Variants in JAK1 observed in about 807,000 individuals in gnomAD.
The protein encoded by JAK1 is Janus kinase 1.
JAK1 carries 16 observed loss-of-function variants against 136.6 expected under a neutral mutation model. That is an observed-to-expected ratio of 0.12 (90% CI 0.08 to 0.18). The LOEUF (loss-of-function observed/expected upper bound fraction) is 0.18. Ranked by LOEUF, JAK1 falls within the 10% of genes least tolerant of loss-of-function variation. The probability of loss-of-function intolerance (pLI) is 1.00; values close to 1 mark genes in which losing one functional copy is unlikely to be tolerated. For missense variants in JAK1, 859 were observed against 1,450.1 expected, an observed-to-expected ratio of 0.59 and a Z score of 6.62; for synonymous variants, 492 against 519.5, an observed-to-expected ratio of 0.95 and a Z score of 0.72.
intron 1 of JAK1, among the ~76,000 whole-genome samples, chr1:64,898,202 C>T (rs552207511): frequency 3.4e-4 from 52 of 152,206 alleles, no homozygotes; most frequent in Non-Finnish European, 5.6e-4. Context: ...CTGGCTGGGA[C>T]ATCCACTAAT....
chr1:64,929,896 A>G (rs1451362639), intron 1 of JAK1, among the ~76,000 whole-genome samples: 3 of 152,226 alleles, frequency 2.0e-5, no homozygotes, highest in Non-Finnish European at 2.9e-5. Flanking sequence ...CAACCATCTG[A>G]TCTTTGACGA....
chr1:64,959,892 T>A, intron 1 of JAK1, among the ~76,000 whole-genome samples: 1 of 152,184 alleles, frequency 6.6e-6, no homozygotes, highest in East Asian at 1.9e-4. Context: ...GAATATAATT[T>A]GAGGGTTTTT....
intron 1 of JAK1, among the ~76,000 whole-genome samples, chr1:64,895,808 TC>T (rs1645005500): frequency 6.6e-6 from 1 of 152,236 alleles, no homozygotes; most frequent in Admixed American, 6.5e-5. Flanking sequence ...AAACCACTCT[TC>T]TTACACATGA....
chr1:65,054,821 T>C (rs1434136177), intron 1 of JAK1, among the ~76,000 whole-genome samples: 1 of 152,226 alleles, frequency 6.6e-6, no homozygotes, highest in East Asian at 1.9e-4. Flanking sequence ...AGCTATGCTA[T>C]GTTGGAAACC....
intron 11 of JAK1, among the ~76,000 whole-genome samples, chr1:64,852,402 G>A (rs1655659405): frequency 6.6e-6 from 1 of 152,194 alleles, no homozygotes; most frequent in African/African-American, 2.4e-5. Context: ...GGCTCAGGGA[G>A]AGGCTCCCCT....
chr1:65,022,827 A>G (rs1011473992), intron 2 of JAK1: 2 of 152,166 alleles, frequency 1.3e-5, no homozygotes. Context: ...TGTGTATATC[A>G]AAGGAGAAAC....
rs1569886958 is a variant in JAK1, at chr1:65,018,483, AG to A, written c.-78+25996del. 2.7e-3 allele frequency among the ~76,000 whole-genome samples: 361 copies of A among 135,316 alleles called. 3 individuals carry two copies. The highest frequency in any genetic ancestry group is 0.01 in the African/African-American group (329 of 32,300). 88.8% of individuals were successfully genotyped at this position (135,316 alleles called of 152,430 possible). ...CATACAGAGAGAGAGAGAGAGAGAG[AG>A]AGAACACACACACACACACACACAC... On this transcript the variant is annotated intron_variant, in intron 2 of 25. Coordinates refer to the JAK1 transcript ENST00000671954.
At chr1:64,849,759 A>T (rs1231561745) in intron 12 of JAK1, among the ~76,000 whole-genome samples, 1 of 152,242 alleles carries the variant, frequency 6.6e-6, no homozygotes, top group Non-Finnish European at 1.5e-5. Context: ...GGCAAGGGAA[A>T]AGAGGCAGGC....
At position 64,879,068 on chromosome 1, in the gene JAK1, T is replaced by C. The variant is rs769890595; in HGVS notation, c.286A>G (p.Thr96Ala). 6.2e-7 allele frequency: 1 copy of C among 1,613,914 alleles called. No homozygotes were observed. The highest frequency in any genetic ancestry group is 1.1e-5 in the South Asian group (1 of 91,080). The change falls in exon 4 of 25, where the codon ACC (threonine) becomes GCC (alanine). Residue 96 changes from threonine to alanine, a missense_variant. Coordinates refer to ENST00000342505, the MANE Select transcript of JAK1 (RefSeq NM_002227.4). ...KLWYAPNRTITVDDKMSLRLH... is the reference protein window; with the variant it reads ...KLWYAPNRTIAVDDKMSLRLH... ...CGGAGGGACATCTTGTCATCAACGG[T>C]GATGGTGCGATTTGGAGCATACCAG...
chr1:64,929,093 C>T (rs1291570899), intron 1 of JAK1, among the ~76,000 whole-genome samples: 1 of 152,178 alleles, frequency 6.6e-6, no homozygotes, highest in East Asian at 1.9e-4. Flanking sequence ...ACTGTTCAAG[C>T]AAGTATACTG....
At chr1:64,867,246 A>T in intron 6 of JAK1, 38 bp from the exon 7 acceptor site, 1 of 1,428,456 alleles carries the variant, frequency 7.0e-7, no homozygotes, top group Middle Eastern at 2.4e-4. Context: ...CTTTTCATGT[A>T]CAGGTTAGGA....
intron 2 of JAK1, chr1:64,987,557 T>C (rs1317928582): frequency 2.0e-5 from 3 of 152,244 alleles, no homozygotes; most frequent in African/African-American, 4.8e-5. Context: ...GCAATCTACA[T>C]GTGCCTTCAA....
chr1:64,851,625 A>G (rs1655601928), intron 11 of JAK1, among the ~76,000 whole-genome samples: 1 of 152,174 alleles, frequency 6.6e-6, no homozygotes, highest in African/African-American at 2.4e-5. Context: ...AGCAAACCCA[A>G]CACATTACAA....
At chr1:64,896,012 G>A (rs771637831) in intron 1 of JAK1, among the ~76,000 whole-genome samples, 6 of 152,210 alleles carry the variant, frequency 3.9e-5, no homozygotes, top group South Asian at 2.1e-4. Flanking sequence ...ACTCGGGAAC[G>A]GGGAAGCTAT....
chr1:64,858,855 T>C (rs1656113772), intron 9 of JAK1, among the ~76,000 whole-genome samples: 1 of 151,870 alleles, frequency 6.6e-6, no homozygotes, highest in South Asian at 2.1e-4. Context: ...AGAGGTATGA[T>C]TGTATATAAG....
intron 1 of JAK1, among the ~76,000 whole-genome samples, chr1:64,902,583 A>AGAGAGAGAGAAT: frequency 8.1e-5 from 6 of 73,758 alleles, no homozygotes; most frequent in Middle Eastern, 0.01. Context: ...AGAGAGAGAG[A>AGAGAGAGAGAAT]GTGTGTGTGT....
intron 1 of JAK1, among the ~76,000 whole-genome samples, chr1:64,889,606 G>GA (rs906956545): frequency 7.0e-4 from 106 of 152,140 alleles, no homozygotes; most frequent in African/African-American, 2.1e-3. Context: ...CTCAACAAGG[G>GA]AAAAAATAAA....
chr1:64,997,957 T>C (rs1484399058), intron 2 of JAK1, among the ~76,000 whole-genome samples: 1 of 152,096 alleles, frequency 6.6e-6, no homozygotes, highest in Non-Finnish European at 1.5e-5. Flanking sequence ...CCTGTAAATA[T>C]GGTGAAGAAA....
At chr1:65,037,784 T>C (rs1210323636) in intron 2 of JAK1, among the ~76,000 whole-genome samples, 1 of 152,142 alleles carries the variant, frequency 6.6e-6, no homozygotes, top group East Asian at 1.9e-4. Context: ...GGATCGCTCC[T>C]CTTGCCAGGA....
Sources: allele counts gnomAD v4.1 joint callset (sites outside exome capture counted in the v4.1 genomes callset), GRCh38; gene constraint gnomAD v4.1.1; transcripts MANE v1.5; gene names NCBI Gene and HGNC (gene_info 2026-07-23, HGNC 2026-07-21).